IQSEC3: variants seen among roughly 807,000 people sequenced by gnomAD.
IQSEC3 encodes IQ motif and SEC7 domain-containing protein 3.
IQSEC3 carries 50 observed loss-of-function variants against 105.4 expected under a neutral mutation model. That is an observed-to-expected ratio of 0.47 (90% CI 0.38 to 0.60). The LOEUF is 0.60. IQSEC3 is among the 20% of genes least tolerant of loss of function. The pLI is 0.00. For synonymous variants in IQSEC3, 708 were observed against 746.0 expected (o/e 0.95, Z 0.83); for missense variants, 1,415 against 1,630.0 (o/e 0.87, Z 2.27).
At chr12:100,514 G>A (rs1379898311) in intron 2 of IQSEC3, among the ~76,000 whole-genome samples, 2 of 152,200 alleles carry the variant, frequency 1.3e-5, no homozygotes, top group Non-Finnish European at 2.9e-5. Context: ...TGCCTCATAG[G>A]GGAGCCAGCA....
chr12:140,859 C>A, intron 4 of IQSEC3: 1 of 434,882 alleles, frequency 2.3e-6, no homozygotes, highest in Non-Finnish European at 4.1e-6. Flanking sequence ...GGGTAAGACC[C>A]AGGAGGCAGG....
At chr12:164,203 C>T (rs1867061664) in intron 9 of IQSEC3, among the ~76,000 whole-genome samples, 1 of 152,210 alleles carries the variant, frequency 6.6e-6, no homozygotes, top group African/African-American at 2.4e-5. Context: ...CTCCCTCGCA[C>T]CGGCCCTCTC....
chr12:168,981 T>C, intron 11 of IQSEC3, 32 bp from the exon 12 acceptor site: 1 of 1,592,636 alleles, frequency 6.3e-7, no homozygotes, highest in Non-Finnish European at 8.6e-7. Context: ...AGGTTAAGGT[T>C]TCTCTTGCTC....
At chr12:161,347 A>G (rs1295085126) in intron 7 of IQSEC3, among the ~76,000 whole-genome samples, 2 of 152,138 alleles carry the variant, frequency 1.3e-5, no homozygotes, top group African/African-American at 2.4e-5. Flanking sequence ...TATCATTACT[A>G]TGAAGCAGGA....
intron 1 of IQSEC3, among the ~76,000 whole-genome samples, chr12:85,104 G>GT (rs1175500384): frequency 3.9e-5 from 6 of 152,234 alleles, no homozygotes; most frequent in Non-Finnish European, 7.3e-5. Context: ...GTTCAGAAAG[G>GT]TTTTTTAAAT....
intron 8 of IQSEC3, among the ~76,000 whole-genome samples, 155 bp downstream of exon 8, chr12:162,220 CT>C (rs11307485): frequency 0.47 from 70,243 of 150,214 alleles, 16,598 homozygotes; most frequent in East Asian, 0.59. Flanking sequence ...CACTGCATCT[CT>C]TTTTTTTTTT....
intron 10 of IQSEC3, 22 bp downstream of exon 10, chr12:165,555 T>G: frequency 6.2e-7 from 1 of 1,604,972 alleles, no homozygotes; most frequent in Non-Finnish European, 8.5e-7. Context: ...ACAGCCAGTG[T>G]AAGTCTTTGA....
intron 3 of IQSEC3, among the ~76,000 whole-genome samples, chr12:137,832 T>C (rs1435370174): frequency 6.6e-6 from 1 of 151,428 alleles, no homozygotes; most frequent in Non-Finnish European, 1.5e-5. Context: ...TTAATTTTTT[T>C]TTTTTTTTCA....
Position 66,863 on chromosome 12 carries a change from C to G in IQSEC3, c.-20C>G, listed in dbSNP as rs1376958081. ...GCCGCCAGCCCAGGCGCAGGCAGGGCGCAGGCGGCGGCGGGCGGCATGGAG... is the reference window on the plus strand; with the variant it reads ...GCCGCCAGCCCAGGCGCAGGCAGGGGGCAGGCGGCGGCGGGCGGCATGGAG... On this transcript the variant is annotated 5_prime_UTR_variant, in exon 1 of 14. Transcript: ENST00000538872. The G allele has an allele frequency of 7.1e-7, 1 of 1,404,810 alleles. No individual in the cohort carries two copies. The highest frequency in any genetic ancestry group is 2.8e-5 in the Admixed American group (1 of 35,118). The allele number at this position is 1,404,810 out of a possible 1,614,324, so 87.0% of individuals were successfully genotyped here.
At chr12:129,097 G>A (rs912173124) in intron 3 of IQSEC3, among the ~76,000 whole-genome samples, 2 of 152,224 alleles carry the variant, frequency 1.3e-5, no homozygotes, top group East Asian at 1.9e-4. Context: ...CGCAGCCGAG[G>A]CACGTGCTTT....
Position 174,808 on chromosome 12 carries a change from C to G in IQSEC3, c.3324C>G (p.Ala1108=). The change falls in exon 14 of 14, where the codon GCC becomes GCG. Residue 1108 remains alanine (A), a synonymous_variant. Transcript: ENST00000538872. The part of the protein sequence containing the change: ...KVIVLDKPCL[A]RMEPLLSQAL... ...TTGTCCTGGACAAGCCCTGCCTGGC[C>G]CGCATGGAGCCCCTGCTGAGCCAGG... is the stretch of plus-strand genomic sequence containing the variant. 1.3e-6 allele frequency: 2 copies of G among 1,583,876 alleles called. No homozygotes were observed. The highest frequency in any genetic ancestry group is 1.7e-6 in the Non-Finnish European group (2 of 1,173,560).
At chr12:116,199 C>T (rs565534093) in intron 2 of IQSEC3, among the ~76,000 whole-genome samples, 52 of 152,176 alleles carry the variant, frequency 3.4e-4, no homozygotes, top group African/African-American at 5.3e-4. Flanking sequence ...GGAGTTTAAG[C>T]GACTTGCCCA....
In IQSEC3 at chr12:158,652, T is replaced by G. The variant is rs570394138; in HGVS notation, c.2443+958T>G. Reference sequence around the variant, plus strand: ...GCTATACAGTATTTATACTTTGGTATCTGGTCTCTTTTATACACTGCTCCT... The same window carrying G: ...GCTATACAGTATTTATACTTTGGTAGCTGGTCTCTTTTATACACTGCTCCT... On this transcript the variant is annotated intron_variant, in intron 7 of 13. Coordinates refer to ENST00000538872, the MANE Select transcript of IQSEC3 (RefSeq NM_001170738.2). Among the ~76,000 whole-genome samples, 13 of 152,358 alleles carry G rather than the reference T, an allele frequency of 8.5e-5. No individual in the cohort carries two copies. The South Asian group carries it at 2.3e-3, about 27-fold the overall frequency.
rs771738070 is a variant in IQSEC3, at chr12:174,871, C to G, written c.3387C>G (p.Cys1129Trp). The change falls in exon 14 of 14, where the codon TGC (cysteine) becomes TGG (tryptophan). Residue 1129 changes from cysteine (C) to tryptophan (W), a missense_variant. Physicochemically the swap from Cys to Trp is radical, Grantham distance 215. This residue lies in a region of IQSEC3 where 419 missense variants were observed against 436.2 expected (regional missense o/e 0.96). Transcript: ENST00000538872. ...SCYTSSSSDS[C>W]GSTPLGGPGS... Reference sequence around the variant, plus strand: ...ACACCTCGTCGTCCTCTGACTCCTGCGGCTCCACACCCCTGGGCGGTCCCG... The same window carrying G: ...ACACCTCGTCGTCCTCTGACTCCTGGGGCTCCACACCCCTGGGCGGTCCCG... 4.9e-5 allele frequency: 78 copies of G among 1,577,114 alleles called. No homozygotes were observed. The South Asian group carries it at 8.5e-4, about 17-fold the overall frequency.
chr12:84,001 C>T (rs1418883444), intron 1 of IQSEC3, among the ~76,000 whole-genome samples: 1 of 152,180 alleles, frequency 6.6e-6, no homozygotes, highest in Non-Finnish European at 1.5e-5. Context: ...TTAAGGTGAT[C>T]CACCCAGGGT....
At chr12:134,363 G>T (rs1591698792) in intron 3 of IQSEC3, among the ~76,000 whole-genome samples, 1 of 152,212 alleles carries the variant, frequency 6.6e-6, no homozygotes, top group East Asian at 1.9e-4. Flanking sequence ...TCCTGCTTGG[G>T]TGAAGCATAG....
In IQSEC3 at chr12:165,551, AG is replaced by A. The variant is rs782471213; in HGVS notation, c.2809+19del. ...GAACGAGTGTAAGTCTTTGACAGCC[AG>A]TGTAAGTCTTTGAGAAGGAATGAAT... On this transcript the variant is annotated intron_variant, in intron 10 of 13. Transcript: ENST00000538872. 2.6e-5 allele frequency: 41 copies of A among 1,607,542 alleles called. No individual in the cohort carries two copies. The highest frequency in any genetic ancestry group is 3.2e-5 in the Non-Finnish European group (37 of 1,174,106).
chr12:96,923 A>G (rs1864257373), intron 1 of IQSEC3, among the ~76,000 whole-genome samples: 1 of 152,198 alleles, frequency 6.6e-6, no homozygotes, highest in Non-Finnish European at 1.5e-5. Context: ...TACACAGATA[A>G]TGGGTCAGGG....
At chr12:140,780 G>A (rs776408892) in intron 4 of IQSEC3, 3 of 247,150 alleles carry the variant, frequency 1.2e-5, no homozygotes, top group Non-Finnish European at 1.5e-5. Flanking sequence ...CTCTCTCCAG[G>A]GTTGGGGCGT....
Sources: gnomAD v4.1 joint callset for allele counts (sites outside exome capture counted in the v4.1 genomes callset) on GRCh38, gnomAD v4.1.1 for gene constraint, gnomAD v4.1.1 regional missense constraint, MANE v1.5 for transcripts, NCBI Gene and HGNC (gene_info 2026-07-23, HGNC 2026-07-21) for gene names.